The following CXCL13 variants were observed in gnomAD, a reference collection of about 807,000 sequenced individuals.
CXCL13 encodes the protein C-X-C motif chemokine ligand 13.
A neutral mutation model predicts 12.2 loss-of-function variants in CXCL13; 7 were observed. The ratio of observed to expected loss-of-function variants is 0.57; its 90% CI spans 0.33 to 1.07. The LOEUF (loss-of-function observed/expected upper bound fraction) is 1.07, where lower values mean the gene tolerates loss of function less well. Among genes scored for constraint, CXCL13 ranks in the 50% least tolerant of loss-of-function variants. The pLI, the probability that CXCL13 is intolerant of heterozygous loss-of-function variation, is 0.04. For missense variants in CXCL13, 113 were observed against 127.4 expected, an observed-to-expected ratio of 0.89 and a Z score of 0.55; for synonymous variants, 47 against 42.4, an observed-to-expected ratio of 1.11 and a Z score of -0.42.
chr4:77,522,535 TTTTTTTTTTG>T (rs1170909578), intron 1 of CXCL13, among the ~76,000 whole-genome samples: 4 of 129,938 alleles, frequency 3.1e-5, no homozygotes, highest in African/African-American at 1.2e-4. Context: ...TTTTTTTTTT[TTTTTTTTTTG>T]CTTTCCATTT....
intron 1 of CXCL13, 94 bp from the exon 2 acceptor site, chr4:77,607,609 C>T: frequency 7.9e-7 from 1 of 1,260,194 alleles, no homozygotes; most frequent in African/African-American, 1.5e-5. Flanking sequence ...ACTTTTAAGT[C>T]TTCAAATGCA....
chr4:77,595,832 A>G lies in CXCL13; in HGVS notation c.-42-9992A>G, dbSNP rs567106598. Among the ~76,000 whole-genome samples, 593 of 152,236 alleles carry G rather than the reference A, an allele frequency of 3.9e-3. 2 individuals carry two copies. Among genetic ancestry groups the G allele is most frequent in the African/African-American group, 0.012 (514 of 41,540 alleles). On this transcript the variant is annotated intron_variant, in intron 1 of 4. Transcript: ENST00000286758. ...CTTGGAGCTATACTGTTGTCTGCAG[A>G]GCAGTTAGAGGGAAGGACTCTCTCC...
chr4:77,549,874 G>T (rs999665003), intron 1 of CXCL13, among the ~76,000 whole-genome samples: 1 of 152,208 alleles, frequency 6.6e-6, no homozygotes, highest in African/African-American at 2.4e-5. Context: ...TCTCTTCAAA[G>T]CTGTCAGACT....
intron 1 of CXCL13, among the ~76,000 whole-genome samples, chr4:77,517,343 T>A (rs999803492): frequency 1.3e-5 from 2 of 152,272 alleles, no homozygotes; most frequent in East Asian, 1.9e-4. Context: ...CAGAGCTGAG[T>A]TCAATTCCTG....
At position 77,520,724 on chromosome 4, in the gene CXCL13, T is replaced by A. The variant is rs565424802; in HGVS notation, c.-43+8936T>A. Among the ~76,000 whole-genome samples the A allele has an allele frequency of 2.6e-5, 4 of 152,320 alleles. No homozygotes were observed. In the East Asian group the frequency reaches 7.7e-4, roughly 29 times the overall value. On this transcript the variant is annotated intron_variant, in intron 1 of 4. Transcript: ENST00000286758. ...CACTTTATTTCTTTCTCTTGCCTGA[T>A]TGTCCTGGCCAGAACTTCCAACATT... is the stretch of plus-strand genomic sequence containing the variant.
chr4:77,534,687 A>T (rs1319032477), intron 1 of CXCL13, among the ~76,000 whole-genome samples: 1 of 152,216 alleles, frequency 6.6e-6, no homozygotes, highest in East Asian at 1.9e-4. Context: ...GTTGGGATCA[A>T]TTTCAAACAG....
At chr4:77,550,777 T>C (rs1008747985) in intron 1 of CXCL13, among the ~76,000 whole-genome samples, 14 of 152,226 alleles carry the variant, frequency 9.2e-5, no homozygotes, top group Non-Finnish European at 1.9e-4. Flanking sequence ...GAACTACTTG[T>C]TTTATGAATC....
intron 1 of CXCL13, among the ~76,000 whole-genome samples, chr4:77,563,357 C>T (rs1280611132): frequency 6.6e-6 from 1 of 152,178 alleles, no homozygotes; most frequent in Non-Finnish European, 1.5e-5. Flanking sequence ...GCTGTGTTTA[C>T]ACTACAGCTT....
At chr4:77,569,698 G>T (rs1726020756) in intron 1 of CXCL13, among the ~76,000 whole-genome samples, 1 of 152,170 alleles carries the variant, frequency 6.6e-6, no homozygotes, top group Non-Finnish European at 1.5e-5. Flanking sequence ...TGGTCATACT[G>T]CCCAAAGCAA....
intron 1 of CXCL13, among the ~76,000 whole-genome samples, chr4:77,561,510 G>A (rs1010524149): frequency 6.6e-6 from 1 of 152,198 alleles, no homozygotes; most frequent in East Asian, 1.9e-4. Context: ...GATACTTAGA[G>A]GCTAACTTAG....
At chr4:77,539,758 G>T (rs112237396) in intron 1 of CXCL13, among the ~76,000 whole-genome samples, 18 of 152,128 alleles carry the variant, frequency 1.2e-4, no homozygotes, top group Non-Finnish European at 2.5e-4. Context: ...GGGGATTGCC[G>T]TTCCCTGGTG....
At chr4:77,592,494 A>G (rs1470158596) in intron 1 of CXCL13, among the ~76,000 whole-genome samples, 1 of 152,216 alleles carries the variant, frequency 6.6e-6, no homozygotes, top group Non-Finnish European at 1.5e-5. Context: ...CTAAATGGTA[A>G]ATATTTGACA....
chr4:77,559,838 C>T (rs987011833), intron 1 of CXCL13, among the ~76,000 whole-genome samples: 4 of 147,372 alleles, frequency 2.7e-5, no homozygotes, highest in Non-Finnish European at 5.9e-5. Context: ...AGGAGACTGG[C>T]GTGAACCTGG....
intron 1 of CXCL13, among the ~76,000 whole-genome samples, chr4:77,561,909 T>G (rs566082289): frequency 2.0e-5 from 3 of 152,168 alleles, no homozygotes; most frequent in Non-Finnish European, 2.9e-5. Flanking sequence ...GGTGGGAACC[T>G]GGGCTGCGCC....
At chr4:77,529,593 T>C (rs546184330) in intron 1 of CXCL13, among the ~76,000 whole-genome samples, 176 of 152,316 alleles carry the variant, frequency 1.2e-3, no homozygotes, top group Middle Eastern at 3.4e-3. Context: ...TATTGGTGTA[T>C]AAGAATGCTT....
At chr4:77,578,972 C>A (rs115474348) in intron 1 of CXCL13, among the ~76,000 whole-genome samples, 1 of 152,158 alleles carries the variant, frequency 6.6e-6, no homozygotes, top group Non-Finnish European at 1.5e-5. Context: ...TTTCTGAGAC[C>A]GAAGGTGCAT....
intron 1 of CXCL13, among the ~76,000 whole-genome samples, chr4:77,527,125 A>G (rs982834812): frequency 6.6e-6 from 1 of 152,218 alleles, no homozygotes; most frequent in Non-Finnish European, 1.5e-5. Flanking sequence ...ACAGATGGCA[A>G]ATAATCACAT....
chr4:77,595,905 C>A (rs976407256), intron 1 of CXCL13, among the ~76,000 whole-genome samples: 1 of 152,174 alleles, frequency 6.6e-6, no homozygotes, highest in Non-Finnish European at 1.5e-5. Context: ...GGGCTCCAAA[C>A]AAGCATGCTT....
At chr4:77,516,781 T>C (rs925327364) in intron 1 of CXCL13, among the ~76,000 whole-genome samples, 2 of 152,232 alleles carry the variant, frequency 1.3e-5, no homozygotes, top group Non-Finnish European at 2.9e-5. Context: ...ATTAATTTTT[T>C]GAAGGGTTTT....
Sources: allele counts gnomAD v4.1 joint callset (sites outside exome capture counted in the v4.1 genomes callset), GRCh38; gene constraint gnomAD v4.1.1; transcripts MANE v1.5; gene names NCBI Gene and HGNC (gene_info 2026-07-23, HGNC 2026-07-21).